The following CDH23 variants were observed in gnomAD, a reference collection of about 807,000 sequenced individuals.
CDH23 encodes the protein cadherin-23.
CDH23 carries 189 observed loss-of-function variants against 317.1 expected under a neutral mutation model. That is an observed-to-expected ratio of 0.60 (90% CI 0.53 to 0.67). CDH23 has a LOEUF of 0.67. Ranked by LOEUF, CDH23 falls within the 30% of genes least tolerant of loss-of-function variation. The probability of loss-of-function intolerance (pLI) is 0.00; values close to 1 mark genes in which losing one functional copy is unlikely to be tolerated. For synonymous variants in CDH23, 1,839 were observed against 1,876.8 expected (o/e 0.98, Z 0.52); for missense variants, 4,401 against 4,592.4 (o/e 0.96, Z 1.20).
intron 6 of CDH23, among the ~76,000 whole-genome samples, chr10:71,529,456 G>A (rs564269495): frequency 2.0e-5 from 3 of 152,320 alleles, no homozygotes; most frequent in Admixed American, 1.3e-4. Context: ...ATCCTGGAGC[G>A]GGGTGGCCTT....
chr10:71,682,921 C>T (rs896994183), intron 18 of CDH23, among the ~76,000 whole-genome samples: 1 of 152,188 alleles, frequency 6.6e-6, no homozygotes, highest in Non-Finnish European at 1.5e-5. Context: ...TTTATGGCTG[C>T]ATTCTGTGAA....
At chr10:71,485,260 C>G (rs1279795468) in intron 3 of CDH23, among the ~76,000 whole-genome samples, 1 of 152,064 alleles carries the variant, frequency 6.6e-6, no homozygotes, top group Non-Finnish European at 1.5e-5. Flanking sequence ...CTCCTGACCT[C>G]GTGATCCACC....
chr10:71,602,058 T>C (rs1860260358), intron 9 of CDH23, among the ~76,000 whole-genome samples: 1 of 152,194 alleles, frequency 6.6e-6, no homozygotes, highest in African/African-American at 2.4e-5. Context: ...GATAACTGTG[T>C]CTGAGGCTGG....
intron 6 of CDH23, among the ~76,000 whole-genome samples, chr10:71,553,964 C>A (rs145396698): frequency 3.6e-3 from 542 of 152,320 alleles, no homozygotes; most frequent in Admixed American, 9.7e-3. Context: ...CCTTCCCCTC[C>A]CCTTCCAGAC....
intron 9 of CDH23, among the ~76,000 whole-genome samples, chr10:71,608,946 G>A (rs1860691663): frequency 2.6e-5 from 4 of 152,320 alleles, no homozygotes; most frequent in African/African-American, 4.8e-5. Context: ...CAGCGGAGCA[G>A]ACAAAGCAAT....
At chr10:71,781,274 G>GC (rs1840946721) in intron 41 of CDH23, among the ~76,000 whole-genome samples, 1 of 152,194 alleles carries the variant, frequency 6.6e-6, no homozygotes, top group African/African-American at 2.4e-5. Flanking sequence ...AGCCCCTGCT[G>GC]CCCAGAGCTT....
At chr10:71,496,810 G>T (rs1246056534) in intron 3 of CDH23, among the ~76,000 whole-genome samples, 1 of 152,184 alleles carries the variant, frequency 6.6e-6, no homozygotes, top group African/African-American at 2.4e-5. Context: ...TGGAGATCCT[G>T]ATGTATGTGG....
intron 6 of CDH23, among the ~76,000 whole-genome samples, chr10:71,542,930 G>A (rs992669952): frequency 6.6e-6 from 1 of 152,230 alleles, no homozygotes; most frequent in Non-Finnish European, 1.5e-5. Context: ...GGGCTTTAGT[G>A]GGCCCCTGGT....
intron 6 of CDH23, among the ~76,000 whole-genome samples, chr10:71,560,469 G>A (rs1021040621): frequency 2.6e-5 from 4 of 152,028 alleles, no homozygotes; most frequent in Admixed American, 2.6e-4. Flanking sequence ...CTTGAGGAGG[G>A]GCCCTGAGCC....
At chr10:71,578,067 G>T in intron 9 of CDH23, 75 bp downstream of exon 9, 3 of 1,409,850 alleles carry the variant, frequency 2.1e-6, no homozygotes, top group Non-Finnish European at 2.9e-6. Context: ...GGCATCTCAG[G>T]CTCTGAGGGC....
chr10:71,469,500 C>G (rs187610843), intron 3 of CDH23, among the ~76,000 whole-genome samples: 149 of 152,264 alleles, frequency 9.8e-4, no homozygotes, highest in South Asian at 5.6e-3. Context: ...GAGTTATATT[C>G]CATTGTAAAA....
chr10:71,420,559 GTGATGA>G (rs554586449), intron 1 of CDH23, among the ~76,000 whole-genome samples: 8 of 139,564 alleles, frequency 5.7e-5, no homozygotes, highest in African/African-American at 8.7e-5. Flanking sequence ...TATGATGATG[GTGATGA>G]TGATGATGAT....
chr10:71,625,832 C>T (rs1254994287), intron 11 of CDH23, among the ~76,000 whole-genome samples: 1 of 152,182 alleles, frequency 6.6e-6, no homozygotes, highest in Non-Finnish European at 1.5e-5. Flanking sequence ...GCATCCATGG[C>T]CCTGGGTGGA....
At chr10:71,645,323 C>T (rs1485848488) in intron 12 of CDH23, among the ~76,000 whole-genome samples, 2 of 152,212 alleles carry the variant, frequency 1.3e-5, no homozygotes, top group Non-Finnish European at 2.9e-5. Context: ...TGTCAGCAAA[C>T]CAGTGTTCTC....
intron 37 of CDH23, 36 bp from the exon 38 acceptor site, chr10:71,741,658 G>C (rs972991467): frequency 7.0e-6 from 11 of 1,560,856 alleles, no homozygotes; most frequent in Non-Finnish European, 9.6e-6. Context: ...CCAATGCCTT[G>C]AGTCCAGAAT....
intron 3 of CDH23, among the ~76,000 whole-genome samples, chr10:71,485,440 G>A (rs970846708): frequency 1.1e-4 from 16 of 152,240 alleles, no homozygotes; most frequent in African/African-American, 1.9e-4. Flanking sequence ...TTGGCCATCC[G>A]TCCTGCATTG....
At chr10:71,645,513 C>T in intron 12 of CDH23, 1 of 504,608 alleles carries the variant, frequency 2.0e-6, no homozygotes, top group Non-Finnish European at 3.8e-6. Context: ...GGTCCCTCCG[C>T]AGCTGGGGTC....
rs558712015 is a variant in CDH23, at chr10:71,603,417, C to G, written c.833-12087C>G. Among the ~76,000 whole-genome samples the G allele has an allele frequency of 2.0e-5, 3 of 152,054 alleles. No individual in the cohort carries two copies. The South Asian group carries it at 6.2e-4, about 32-fold the overall frequency. On this transcript the variant is annotated intron_variant, in intron 9 of 69. Coordinates refer to ENST00000224721, the MANE Select transcript of CDH23 (RefSeq NM_022124.6). ...CCCTGACCTCTCTTGAGTGCCAAGCCTCGGGTGAGTTATGTGGGCCCTGCC... is the reference window on the plus strand; with the variant it reads ...CCCTGACCTCTCTTGAGTGCCAAGCGTCGGGTGAGTTATGTGGGCCCTGCC...
At chr10:71,727,268 C>A (rs1324849770) in intron 30 of CDH23, among the ~76,000 whole-genome samples, 1 of 152,236 alleles carries the variant, frequency 6.6e-6, no homozygotes, top group Non-Finnish European at 1.5e-5. Flanking sequence ...CCTTGGCAGC[C>A]AGCTTGAGCC....
Sources: allele counts gnomAD v4.1 joint callset (sites outside exome capture counted in the v4.1 genomes callset), GRCh38; gene constraint gnomAD v4.1.1; transcripts MANE v1.5; gene names NCBI Gene and HGNC (gene_info 2026-07-23, HGNC 2026-07-21).